The following TMEM167B variants were observed in gnomAD, a reference collection of about 807,000 sequenced individuals.
TMEM167B encodes protein kish-B.
TMEM167B carries 2 observed loss-of-function variants against 9.4 expected under a neutral mutation model. The observed-to-expected ratio is 0.21, with a 90% CI of 0.09 to 0.67. The LOEUF (loss-of-function observed/expected upper bound fraction) is 0.67. Among genes scored for constraint, TMEM167B ranks in the 30% least tolerant of loss-of-function variants. The pLI is 0.82. For missense variants in TMEM167B, 68 were observed against 87.6 expected, an observed-to-expected ratio of 0.78 and a Z score of 0.89; for synonymous variants, 28 against 32.0, an observed-to-expected ratio of 0.87 and a Z score of 0.42.
In TMEM167B at chr1:109,092,816, A is replaced by G. The variant is rs144727464; in HGVS notation, c.11-74A>G. On this transcript the variant is annotated intron_variant, in intron 1 of 2. Transcript: ENST00000338272. Reference sequence around the variant, plus strand: ...TATTATGTCACACACTATCTTCCTTAGAGTTCTCAGGCGGGATCACAGGTC... The same window carrying G: ...TATTATGTCACACACTATCTTCCTTGGAGTTCTCAGGCGGGATCACAGGTC... 2,886 of 1,545,228 alleles carry G rather than the reference A, an allele frequency of 1.9e-3. 39 individuals carry two copies. The African/African-American group carries it at 0.034, about 18-fold the overall frequency.
chr1:109,096,645 C>A lies in TMEM167B; in HGVS notation c.*2146C>A, dbSNP rs984297217. 1 of 152,146 alleles carries A rather than the reference C, an allele frequency of 6.6e-6. No homozygotes were observed. Among genetic ancestry groups the A allele is most frequent in the East Asian group, 1.9e-4 (1 of 5,200 alleles). The allele number at this position is 152,146 out of a possible 1,614,324, so 9.4% of individuals were successfully genotyped here. ...GCCAGAAACAAATATACATTTGTTT[C>A]ATTTCTTGACTTTCCCTAAGCAGAT... On this transcript the variant is annotated 3_prime_UTR_variant, in exon 3 of 3. Transcript: ENST00000338272.
intron 1 of TMEM167B, among the ~76,000 whole-genome samples, chr1:109,091,179 G>T (rs370597000): frequency 1.3e-5 from 2 of 152,244 alleles, no homozygotes; most frequent in East Asian, 3.9e-4. Context: ...AGTCCCAGAG[G>T]TACTACTGCT....
chr1:109,090,959 G>A, intron 1 of TMEM167B, 77 bp downstream of exon 1: 1 of 1,508,568 alleles, frequency 6.6e-7, no homozygotes, highest in Non-Finnish European at 8.9e-7. Flanking sequence ...CGGGACTGAC[G>A]TGGCCGTTCT....
At position 109,096,336 on chromosome 1, in the gene TMEM167B, G is replaced by T. The variant is rs1664569786; in HGVS notation, c.*1837G>T. 6.6e-6 allele frequency: 1 copy of T among 152,216 alleles called. No homozygotes were observed. Among genetic ancestry groups the T allele is most frequent in the African/African-American group, 2.4e-5 (1 of 41,462 alleles). The allele number at this position is 152,216 out of a possible 1,614,324, so 9.4% of individuals were successfully genotyped here. ...CCTTGTGGGTGTGAGTTTGGGACCT[G>T]TTGGCAGAAGGGAATGTCACTCCCT... On this transcript the variant is annotated 3_prime_UTR_variant, in exon 3 of 3. Transcript: ENST00000338272.
At chr1:109,091,187 G>A (rs1664441228) in intron 1 of TMEM167B, among the ~76,000 whole-genome samples, 1 of 152,098 alleles carries the variant, frequency 6.6e-6, no homozygotes, top group South Asian at 2.1e-4. Context: ...AGGTACTACT[G>A]CTATTTAAAC....
chr1:109,090,985 GC>G, intron 1 of TMEM167B, 103 bp downstream of exon 1: 1 of 1,356,422 alleles, frequency 7.4e-7, no homozygotes, highest in South Asian at 1.4e-5. Flanking sequence ...CCCCCTCCCA[GC>G]CCGGCCCCCC....
In TMEM167B at chr1:109,094,583, A is replaced by T; in HGVS notation, c.*84A>T. 7.4e-7 allele frequency: 1 copy of T among 1,343,490 alleles called. No individual in the cohort carries two copies. The highest frequency in any genetic ancestry group is 1.4e-5 in the African/African-American group (1 of 69,520). 83.2% of individuals were successfully genotyped at this position (1,343,490 alleles called of 1,614,324 possible). ...TGGAGACCTGAACCCAGTGTAGGAGAGTTCAGCTGAAATCATCGGTCCCCA... is the reference window on the plus strand; with the variant it reads ...TGGAGACCTGAACCCAGTGTAGGAGTGTTCAGCTGAAATCATCGGTCCCCA... On this transcript the variant is annotated 3_prime_UTR_variant, in exon 3 of 3. Coordinates refer to ENST00000338272, the MANE Select transcript of TMEM167B (RefSeq NM_020141.4).
rs867543610 is a variant in TMEM167B, at chr1:109,096,424, T to G, written c.*1925T>G. On this transcript the variant is annotated 3_prime_UTR_variant, in exon 3 of 3. Coordinates refer to ENST00000338272, the MANE Select transcript of TMEM167B (RefSeq NM_020141.4). ...AGCTTTAATGATTTTTGTTTTCTAA[T>G]AGGGCAAATGTCTCTAAGCTTGGTG... is the stretch of plus-strand genomic sequence containing the variant. The G allele has an allele frequency of 6.6e-6, 1 of 152,228 alleles. No individual in the cohort carries two copies. Among genetic ancestry groups the G allele is most frequent in the Non-Finnish European group, 1.5e-5 (1 of 68,044 alleles). 9.4% of individuals were successfully genotyped at this position (152,228 alleles called of 1,614,324 possible).
chr1:109,094,330 T>C, intron 2 of TMEM167B, 87 bp from the exon 3 acceptor site: 1 of 1,328,224 alleles, frequency 7.5e-7, no homozygotes, highest in East Asian at 2.3e-5. Flanking sequence ...TATGTCTGTC[T>C]GTGACTAGAG....
intron 2 of TMEM167B, 70 bp from the exon 3 acceptor site, chr1:109,094,347 A>G (rs1664519426): frequency 6.6e-7 from 1 of 1,510,084 alleles, no homozygotes; most frequent in Non-Finnish European, 9.2e-7. Flanking sequence ...AGAGACTTCA[A>G]AATATCACCT....
chr1:109,092,059 T>G (rs528728838), intron 1 of TMEM167B, among the ~76,000 whole-genome samples: 33 of 152,302 alleles, frequency 2.2e-4, no homozygotes, highest in Non-Finnish European at 4.1e-4. Flanking sequence ...GTCCAATATC[T>G]TCTTGTTTTT....
chr1:109,096,927 T>TC lies in TMEM167B; in HGVS notation c.*2431dup, dbSNP rs1486951337. 6.6e-6 allele frequency: 1 copy of TC among 152,226 alleles called. No individual in the cohort carries two copies. Among genetic ancestry groups the TC allele is most frequent in the East Asian group, 1.9e-4 (1 of 5,202 alleles). The allele number at this position is 152,226 out of a possible 1,614,324, so 9.4% of individuals were successfully genotyped here. On this transcript the variant is annotated 3_prime_UTR_variant, in exon 3 of 3. Transcript: ENST00000338272. ...AAATCCTTGAAAATAAACCTTTTTT[T>TC]CCCTACAGTCTTTGTCAATTTATTT...
chr1:109,093,152 G>T (rs1203960409), intron 2 of TMEM167B, 131 bp downstream of exon 2: 6 of 1,296,258 alleles, frequency 4.6e-6, no homozygotes, highest in Non-Finnish European at 6.3e-6. Context: ...GATTGGGTCT[G>T]AGAGTCTGGA....
Position 109,094,403 on chromosome 1 carries a change from C to CTT in TMEM167B, c.143-11_143-10dup. The CTT allele has an allele frequency of 6.2e-7, 1 of 1,613,924 alleles. No homozygotes were observed. Among genetic ancestry groups the CTT allele is most frequent in the Non-Finnish European group, 8.5e-7 (1 of 1,179,964 alleles). Reference sequence around the variant, plus strand: ...AAGGGCAGGGTGTGATTTCTTCTCTCTTTTGCCTGCTAGCCGCTGTGATTG... The same window carrying CTT: ...AAGGGCAGGGTGTGATTTCTTCTCTCTTTTTTGCCTGCTAGCCGCTGTGATTG... On this transcript the variant is annotated splice_polypyrimidine_tract_variant and intron_variant, in intron 2 of 2. Coordinates refer to ENST00000338272, the MANE Select transcript of TMEM167B (RefSeq NM_020141.4).
intron 1 of TMEM167B, chr1:109,091,768 CT>C (rs1664456024): frequency 6.6e-6 from 1 of 152,004 alleles, no homozygotes; most frequent in South Asian, 2.1e-4. Context: ...CTCAGAAAAC[CT>C]TAGTGTATGT....
In TMEM167B at chr1:109,094,541, G is replaced by C; in HGVS notation, c.*42G>C. ...GTCATCAACTGCCAACCAAGGGGAC[G>C]GGGATGAAGAACCTGTTGGAGACCT... is the stretch of plus-strand genomic sequence containing the variant. On this transcript the variant is annotated 3_prime_UTR_variant, in exon 3 of 3. Coordinates refer to ENST00000338272, the MANE Select transcript of TMEM167B (RefSeq NM_020141.4). 2 of 1,599,278 alleles carry C rather than the reference G, an allele frequency of 1.3e-6. No homozygotes were observed. Among genetic ancestry groups the C allele is most frequent in the Non-Finnish European group, 1.7e-6 (2 of 1,167,748 alleles).
Position 109,096,039 on chromosome 1 carries a change from A to G in TMEM167B, c.*1540A>G, listed in dbSNP as rs1397008052. 6.6e-6 allele frequency: 1 copy of G among 152,238 alleles called. No individual in the cohort carries two copies. Among genetic ancestry groups the G allele is most frequent in the Admixed American group, 6.5e-5 (1 of 15,278 alleles). The allele number at this position is 152,238 out of a possible 1,614,324, so 9.4% of individuals were successfully genotyped here. On this transcript the variant is annotated 3_prime_UTR_variant, in exon 3 of 3. Coordinates refer to ENST00000338272, the MANE Select transcript of TMEM167B (RefSeq NM_020141.4). ...CTGTGGTTGATTCCTGTGTGGCAGT[A>G]AATTGTCTTCTGTCTGCTTACTCCA...
rs745638140 is a variant in TMEM167B, at chr1:109,092,910, C to T, written c.31C>T (p.Leu11=). The T allele has an allele frequency of 1.2e-6, 2 of 1,613,990 alleles. No individual in the cohort carries two copies. Among genetic ancestry groups the T allele is most frequent in the African/African-American group, 1.3e-5 (1 of 74,870 alleles). The part of the protein sequence containing the change: MTNVYSLDGI[L]VFGLLFVCTC... ...AACAGTGTACTCCTTGGATGGGATT[C>T]TGGTGTTTGGTTTGCTCTTTGTTTG... is the stretch of plus-strand genomic sequence containing the variant. Residue 11 remains leucine, a synonymous_variant, in exon 2 of 3, where the codon CTG becomes TTG. Coordinates refer to ENST00000338272, the MANE Select transcript of TMEM167B (RefSeq NM_020141.4).
At chr1:109,093,202 T>A in intron 2 of TMEM167B, 181 bp downstream of exon 2, 1 of 904,528 alleles carries the variant, frequency 1.1e-6, no homozygotes, top group Non-Finnish European at 1.6e-6. Flanking sequence ...GAGGTAAAAG[T>A]TAAAATTTGC....
Sources: gnomAD v4.1 joint callset for allele counts (sites outside exome capture counted in the v4.1 genomes callset) on GRCh38, gnomAD v4.1.1 for gene constraint, MANE v1.5 for transcripts, NCBI Gene and HGNC (gene_info 2026-07-23, HGNC 2026-07-21) for gene names.